Variants in SGSM1 observed in about 807,000 individuals in gnomAD.
SGSM1 encodes the protein RUN and TBC1 domain containing 2.
Under a neutral mutation model 133.8 loss-of-function variants are expected in SGSM1, and 73 were observed. That is an observed-to-expected ratio of 0.55 (90% CI 0.45 to 0.66). The LOEUF (loss-of-function observed/expected upper bound fraction) is 0.66. SGSM1 is among the 30% of genes least tolerant of loss of function. The pLI is 0.00. For synonymous variants in SGSM1, 563 were observed against 573.0 expected, an observed-to-expected ratio of 0.98 and a Z score of 0.25; for missense variants, 1,213 against 1,448.1, an observed-to-expected ratio of 0.84 and a Z score of 2.64.
intron 2 of SGSM1, among the ~76,000 whole-genome samples, chr22:24,832,915 C>T (rs1046827251): frequency 5.3e-5 from 8 of 151,736 alleles, no homozygotes; most frequent in Admixed American, 2.0e-4. Context: ...ATGATCTTCC[C>T]TTTGTAGCTG....
chr22:24,891,836 C>T (rs1292277341), intron 16 of SGSM1, among the ~76,000 whole-genome samples: 2 of 151,968 alleles, frequency 1.3e-5, no homozygotes, highest in Non-Finnish European at 2.9e-5. Context: ...AATTACTTTT[C>T]GGGCCAAGAG....
At chr22:24,863,739 C>G (rs962107881) in intron 9 of SGSM1, among the ~76,000 whole-genome samples, 2 of 146,942 alleles carry the variant, frequency 1.4e-5, no homozygotes, top group Non-Finnish European at 3.0e-5. Context: ...TTTTTTTCTT[C>G]TTTTCTTTTT....
At chr22:24,824,615 A>G (rs1461068425) in intron 2 of SGSM1, among the ~76,000 whole-genome samples, 1 of 5,478 alleles carries the variant, frequency 1.8e-4, no homozygotes, top group African/African-American at 3.8e-4. Context: ...AATGTCCTTA[A>G]TCTGTTCCTT....
chr22:24,822,384 G>A (rs563630015), intron 2 of SGSM1, among the ~76,000 whole-genome samples: 3 of 152,024 alleles, frequency 2.0e-5, no homozygotes, highest in Non-Finnish European at 4.4e-5. Flanking sequence ...GAGCCACCGC[G>A]CCTGGTCTCA....
intron 2 of SGSM1, among the ~76,000 whole-genome samples, chr22:24,840,998 C>T (rs1929759222): frequency 6.6e-6 from 1 of 152,010 alleles, no homozygotes; most frequent in South Asian, 2.1e-4. Context: ...CTACAGGCGC[C>T]CACCACCACG....
chr22:24,917,775 A>T (rs766698894), intron 23 of SGSM1, 21 bp downstream of exon 23: 18 of 1,599,126 alleles, frequency 1.1e-5, no homozygotes, highest in Non-Finnish European at 1.5e-5. Context: ...TAAATTGGGG[A>T]CCTGTGTCCA....
chr22:24,866,259 T>G (rs1386092458), intron 9 of SGSM1, among the ~76,000 whole-genome samples: 2 of 152,222 alleles, frequency 1.3e-5, no homozygotes. Flanking sequence ...AATACTTGAT[T>G]CTATTTAATT....
At chr22:24,865,017 G>A (rs4572701) in intron 9 of SGSM1, among the ~76,000 whole-genome samples, 16,342 of 152,222 alleles carry the variant, frequency 0.11, 988 homozygotes, top group South Asian at 0.24. Context: ...GGAAGTGCAT[G>A]GAAAACCCTT....
In SGSM1 at chr22:24,844,941, C is replaced by T. The variant is rs755430933; in HGVS notation, c.108C>T (p.His36=). ...AGGCTGTGACACGCAAGTTTGTCCA[C>T]GAAGACAGCAGCCACATCATCTCCT... The part of the protein sequence containing the change: ...MEEAVTRKFV[H]EDSSHIISFC... The change falls in exon 3 of 25, where the codon CAC becomes CAT. Residue 36 remains histidine, a synonymous_variant. Transcript: ENST00000400358. 27 of 1,613,674 alleles carry T rather than the reference C, an allele frequency of 1.7e-5. No homozygotes were observed. Among genetic ancestry groups the T allele is most frequent in the Middle Eastern group, 3.3e-4 (2 of 6,070 alleles).
chr22:24,923,824 G>A (rs998649287), intron 24 of SGSM1, among the ~76,000 whole-genome samples: 3 of 152,080 alleles, frequency 2.0e-5, no homozygotes, highest in African/African-American at 7.2e-5. Context: ...GTTTCTCCAT[G>A]TTAGTCAGGC....
Position 24,923,337 on chromosome 22 carries a change from C to G in SGSM1, c.3194-849C>G, listed in dbSNP as rs553219892. Among the ~76,000 whole-genome samples the G allele has an allele frequency of 3.7e-4, 55 of 148,508 alleles. No homozygotes were observed. In the South Asian group the frequency reaches 0.011, roughly 31 times the overall value. On this transcript the variant is annotated intron_variant, in intron 24 of 24. Transcript: ENST00000400358. ...TTGGTACCCAGTTTGGGAACCATGTCTTAGTTTTAGTGTTTTTCTTTTTTT... is the reference window on the plus strand; with the variant it reads ...TTGGTACCCAGTTTGGGAACCATGTGTTAGTTTTAGTGTTTTTCTTTTTTT...
At chr22:24,887,254 C>T (rs548849060) in intron 16 of SGSM1, among the ~76,000 whole-genome samples, 2 of 152,132 alleles carry the variant, frequency 1.3e-5, no homozygotes, top group South Asian at 2.1e-4. Flanking sequence ...ACTCACCTCC[C>T]CCATACCCAC....
At chr22:24,858,705 G>A (rs373781356) in intron 8 of SGSM1, among the ~76,000 whole-genome samples, 7 of 150,828 alleles carry the variant, frequency 4.6e-5, no homozygotes, top group Non-Finnish European at 7.4e-5. Flanking sequence ...GATGAATTAC[G>A]TGCCTGCCTT....
intron 2 of SGSM1, among the ~76,000 whole-genome samples, chr22:24,808,528 T>A (rs975377632): frequency 2.6e-5 from 4 of 152,198 alleles, no homozygotes; most frequent in African/African-American, 9.7e-5. Context: ...TAACCAGACC[T>A]ACGTGTAATA....
intron 13 of SGSM1, among the ~76,000 whole-genome samples, chr22:24,876,955 A>G (rs1010084545): frequency 7.2e-5 from 11 of 152,144 alleles, no homozygotes; most frequent in African/African-American, 2.7e-4. Flanking sequence ...TTTACAACAA[A>G]AGTTTATTTA....
At chr22:24,915,811 T>C (rs564702702) in intron 22 of SGSM1, among the ~76,000 whole-genome samples, 1 of 152,320 alleles carries the variant, frequency 6.6e-6, no homozygotes, top group African/African-American at 2.4e-5. Context: ...GTTTTTTTCA[T>C]TGTGATTTTG....
intron 12 of SGSM1, among the ~76,000 whole-genome samples, chr22:24,874,245 T>C (rs546871213): frequency 1.3e-5 from 2 of 152,316 alleles, no homozygotes; most frequent in South Asian, 2.1e-4. Context: ...GTTGGCACTT[T>C]ATAAAAATCA....
At chr22:24,877,265 C>A (rs144172548) in intron 13 of SGSM1, among the ~76,000 whole-genome samples, 1,657 of 152,286 alleles carry the variant, frequency 0.011, 24 homozygotes, top group South Asian at 0.022. Flanking sequence ...TCAGTTTGCA[C>A]CCCCACACAG....
chr22:24,840,145 T>C (rs112276250), intron 2 of SGSM1, among the ~76,000 whole-genome samples: 1 of 151,988 alleles, frequency 6.6e-6, no homozygotes, highest in South Asian at 2.1e-4. Context: ...GGGGTTTCAC[T>C]GTGTTAGCCA....
Sources: gnomAD v4.1 joint callset for allele counts (sites outside exome capture counted in the v4.1 genomes callset) on GRCh38, gnomAD v4.1.1 for gene constraint, MANE v1.5 for transcripts, NCBI Gene and HGNC (gene_info 2026-07-23, HGNC 2026-07-21) for gene names.